The following PRDX1 variants were observed in gnomAD, a reference collection of about 807,000 sequenced individuals.
The protein encoded by PRDX1 is peroxiredoxin 1.
In PRDX1, 19 loss-of-function variants were observed where a neutral mutation model predicts 20.7. The observed-to-expected ratio is 0.92, with a 90% confidence interval of 0.64 to 1.35. The LOEUF (loss-of-function observed/expected upper bound fraction) is 1.35, where lower values mean the gene tolerates loss of function less well. Ranked by LOEUF, PRDX1 falls within the 40% of genes most tolerant of loss-of-function variation. PRDX1 has a pLI of 0.00. For synonymous variants in PRDX1, 89 were observed against 83.9 expected (o/e 1.06, Z -0.33); for missense variants, 226 against 240.0 (o/e 0.94, Z 0.38).
chr1:45,522,671 A>C (rs562704088), upstream of PRDX1: 1 of 152,350 alleles, frequency 6.6e-6, no homozygotes, highest in East Asian at 1.9e-4. Flanking sequence ...GTAGCCTCCC[A>C]TAAAACAAGG....
In PRDX1 at chr1:45,514,856, T is replaced by C. The variant is rs1643828029; in HGVS notation, c.383+17A>G. The C allele has an allele frequency of 1.9e-6, 3 of 1,613,820 alleles. No homozygotes were observed. The highest frequency in any genetic ancestry group is 2.7e-5 in the African/African-American group (2 of 74,938). The stretch of plus-strand genomic sequence containing the variant: ...AAAAGGCTTTCAGCCAACTGGATAC[T>C]TGTCCTGATGACATACCTGAACGAG... On this transcript the variant is annotated intron_variant, in intron 4 of 5. Coordinates refer to ENST00000319248, the MANE Select transcript of PRDX1 (RefSeq NM_181697.3).
chr1:45,515,192 T>G (rs1473855711), intron 3 of PRDX1, among the ~76,000 whole-genome samples, 197 bp from the exon 4 acceptor site: 1 of 152,198 alleles, frequency 6.6e-6, no homozygotes, highest in African/African-American at 2.4e-5. Flanking sequence ...AAGCTGCTTC[T>G]TCTCTGCTGC....
intron 1 of PRDX1, 88 bp downstream of exon 1, chr1:45,521,741 G>A (rs1345646663): frequency 6.5e-6 from 1 of 152,836 alleles, no homozygotes; most frequent in Admixed American, 6.5e-5. Context: ...CCGAGCGCGG[G>A]CGGGCCCCGG....
rs986893770 is a variant in PRDX1, at chr1:45,514,375, C to T, written c.514+132G>A. ...GTCCCCTGGGCCCCCTTATTTCTTT[C>T]TCTATACTTTGTCTACGTGTCTTTT... On this transcript the variant is annotated intron_variant, in intron 5 of 5. Transcript: ENST00000319248. 1.8e-5 allele frequency: 21 copies of T among 1,188,320 alleles called. No homozygotes were observed. The Middle Eastern group carries it at 9.0e-4, about 51-fold the overall frequency. The allele number at this position is 1,188,320 out of a possible 1,614,324, so 73.6% of individuals were successfully genotyped here. A position where few individuals can be genotyped will look rare whatever the true frequency, so the allele number is the denominator to read the frequency against.
chr1:45,519,846 C>T (rs1381630941), intron 1 of PRDX1, among the ~76,000 whole-genome samples: 1 of 152,240 alleles, frequency 6.6e-6, no homozygotes, highest in Non-Finnish European at 1.5e-5. Flanking sequence ...GATTGCCCAA[C>T]TCAGTCTCCC....
chr1:45,521,712 C>G (rs1310028922), intron 1 of PRDX1, 117 bp downstream of exon 1: 1 of 152,484 alleles, frequency 6.6e-6, no homozygotes, highest in East Asian at 1.9e-4. Context: ...GGCTGCCTCA[C>G]GCATCACAGC....
chr1:45,515,835 G>C, intron 2 of PRDX1, 28 bp from the exon 3 acceptor site: 1 of 1,533,608 alleles, frequency 6.5e-7, no homozygotes, highest in Non-Finnish European at 8.7e-7. Flanking sequence ...GTCATGGTTA[G>C]CATTTGACAC....
rs1166378396 is a variant in PRDX1, at chr1:45,518,987, A to G, written c.57T>C (p.Ala19=). ...CTTTAAACTGACCATCTGGCATAAC[A>G]GCTGTGGCTTTGAAGTTGGGGGCAG... is the stretch of plus-strand genomic sequence containing the variant. ...GHPAPNFKAT[A]VMPDGQFKDI... The change falls in exon 2 of 6, where the codon GCT becomes GCC. Residue 19 remains alanine (A), a synonymous_variant. Transcript: ENST00000319248. The G allele has an allele frequency of 1.2e-6, 2 of 1,604,982 alleles. No homozygotes were observed. Among genetic ancestry groups the G allele is most frequent in the South Asian group, 1.1e-5 (1 of 88,720 alleles).
In PRDX1 at chr1:45,511,160, A is replaced by G; in HGVS notation, c.*169T>C. 1 of 589,612 alleles carries G rather than the reference A, an allele frequency of 1.7e-6. No homozygotes were observed. The highest frequency in any genetic ancestry group is 3.0e-6 in the Non-Finnish European group (1 of 338,078). The allele number at this position is 589,612 out of a possible 1,614,324, so 36.5% of individuals were successfully genotyped here. A position where few individuals can be genotyped will look rare whatever the true frequency, so the allele number is the denominator to read the frequency against. ...CGCCAACTCAGGCCATTCCTACCAA[A>G]GGAAGAAAGGCTGGTCTCTCCACCC... On this transcript the variant is annotated 3_prime_UTR_variant, in exon 6 of 6. Coordinates refer to ENST00000319248, the MANE Select transcript of PRDX1 (RefSeq NM_181697.3).
At chr1:45,515,026 T>C (rs748320416) in intron 3 of PRDX1, 31 bp from the exon 4 acceptor site, 1 of 1,612,456 alleles carries the variant, frequency 6.2e-7, no homozygotes, top group South Asian at 1.1e-5. Context: ...ACAGTTACAT[T>C]CAAACTCTTG....
intron 2 of PRDX1, among the ~76,000 whole-genome samples, chr1:45,517,571 G>A (rs543094673): frequency 3.9e-5 from 6 of 152,164 alleles, no homozygotes; most frequent in African/African-American, 1.4e-4. Context: ...CACAAGGTCA[G>A]GAGATCGAGA....
At chr1:45,515,592 C>G in intron 3 of PRDX1, 62 bp downstream of exon 3, 5 of 1,208,424 alleles carry the variant, frequency 4.1e-6, no homozygotes, top group Non-Finnish European at 4.3e-6. Context: ...AAGCAAGACT[C>G]CATCTCAAAA....
rs1419647767 is a variant in PRDX1, at chr1:45,511,223, C to T, written c.*106G>A. On this transcript the variant is annotated 3_prime_UTR_variant, in exon 6 of 6. Transcript: ENST00000319248. ...GCCTGCCTTGTAAGACACCACAATT[C>T]GGCTGAATCTGAAGTCTTGTGTTTT... The T allele has an allele frequency of 5.2e-6, 5 of 960,176 alleles. No homozygotes were observed. Among genetic ancestry groups the T allele is most frequent in the East Asian group, 2.5e-5 (1 of 39,922 alleles). 59.5% of individuals were successfully genotyped at this position (960,176 alleles called of 1,614,324 possible). A position where few individuals can be genotyped will look rare whatever the true frequency, so the allele number is the denominator to read the frequency against.
chr1:45,516,434 G>A (rs962555316), intron 2 of PRDX1, among the ~76,000 whole-genome samples: 1 of 151,844 alleles, frequency 6.6e-6, no homozygotes, highest in African/African-American at 2.4e-5. Flanking sequence ...GGCCAGCCTG[G>A]GCAACACAGC....
chr1:45,514,735 C>T (rs1042362804), intron 4 of PRDX1, 98 bp from the exon 5 acceptor site: 3 of 1,576,394 alleles, frequency 1.9e-6, no homozygotes, highest in Non-Finnish European at 2.6e-6. Flanking sequence ...CTGGTCTCCA[C>T]ACTCCTACTG....
intron 5 of PRDX1, chr1:45,513,352 T>C (rs1005955725): frequency 1.3e-5 from 2 of 152,224 alleles, no homozygotes; most frequent in East Asian, 3.8e-4. Flanking sequence ...GAGGAGTATG[T>C]ATACTTTGAA....
At chr1:45,519,355 G>A (rs1458092569) in intron 1 of PRDX1, among the ~76,000 whole-genome samples, 1 of 152,160 alleles carries the variant, frequency 6.6e-6, no homozygotes, top group Non-Finnish European at 1.5e-5. Context: ...AATTAGTGCA[G>A]TGGCATCTTA....
At chr1:45,522,339 C>T (rs1001006749), upstream of PRDX1, among the ~76,000 whole-genome samples, 2 of 152,146 alleles carry the variant, frequency 1.3e-5, no homozygotes, top group Non-Finnish European at 2.9e-5. Flanking sequence ...TCCTCAGTAA[C>T]CCTCATGGCT....
intron 5 of PRDX1, chr1:45,512,907 T>TA (rs1463140391): frequency 1.3e-5 from 2 of 152,188 alleles, no homozygotes. Flanking sequence ...CTAATCCCTG[T>TA]AAAAAGATTA....
Sources: allele counts gnomAD v4.1 joint callset (sites outside exome capture counted in the v4.1 genomes callset), GRCh38; gene constraint gnomAD v4.1.1; transcripts MANE v1.5; gene names NCBI Gene and HGNC (gene_info 2026-07-23, HGNC 2026-07-21).